The following ADAM28 variants were observed in gnomAD, a reference collection of about 807,000 sequenced individuals.
The protein encoded by ADAM28 is ADAM metallopeptidase domain 28, also known as disintegrin and metalloproteinase domain-containing protein 28.
Under a neutral mutation model 101.2 loss-of-function variants are expected in ADAM28, and 105 were observed. That is an observed-to-expected ratio of 1.04 (90% confidence interval 0.89 to 1.22). The LOEUF (loss-of-function observed/expected upper bound fraction) is 1.22. Ranked by LOEUF, ADAM28 falls within the 50% of genes most tolerant of loss-of-function variation. The probability of loss-of-function intolerance (pLI) is 0.00; values close to 1 mark genes in which losing one functional copy is unlikely to be tolerated. For missense variants in ADAM28, 1,028 were observed against 945.4 expected (o/e 1.09, Z -1.15); for synonymous variants, 322 against 310.6 (o/e 1.04, Z -0.39).
intron 10 of ADAM28, among the ~76,000 whole-genome samples, chr8:24,327,434 G>A: frequency 6.6e-6 from 1 of 152,094 alleles, no homozygotes; most frequent in Non-Finnish European, 1.5e-5. Context: ...TGGATAGGAA[G>A]AATCAATATC....
rs112787537 is a variant in ADAM28, at chr8:24,326,893, A to G, written c.972+258A>G. ...TCAATAAACTAGGTATTGAAGGAACATATCTCAAAATAATAGCTATTTATG... is the reference window on the plus strand; with the variant it reads ...TCAATAAACTAGGTATTGAAGGAACGTATCTCAAAATAATAGCTATTTATG... On this transcript the variant is annotated intron_variant, in intron 10 of 22. Transcript: ENST00000265769. 1.3e-3 allele frequency among the ~76,000 whole-genome samples: 205 copies of G among 152,148 alleles called. 3 individuals are homozygous for G. The highest frequency in any genetic ancestry group is 4.7e-3 in the African/African-American group (196 of 41,548).
rs866968702 is a variant in ADAM28, at chr8:24,306,365, T to A, written c.151-3529T>A. 3.4e-3 allele frequency among the ~76,000 whole-genome samples: 421 copies of A among 122,984 alleles called. 11 individuals are homozygous for A. The highest frequency in any genetic ancestry group is 0.011 in the African/African-American group (383 of 33,410). The allele number at this position is 122,984 out of a possible 152,430, so 80.7% of individuals were successfully genotyped here. A position where few individuals can be genotyped will look rare whatever the true frequency, so the allele number is the denominator to read the frequency against. ...TCTCAAATACAAATAAATAAATAAA[T>A]ATATATATATATATATATATTTAAA... On this transcript the variant is annotated intron_variant, in intron 2 of 22. Coordinates refer to ENST00000265769, the MANE Select transcript of ADAM28 (RefSeq NM_014265.6).
intron 21 of ADAM28, among the ~76,000 whole-genome samples, chr8:24,352,425 G>GCGGC (rs769973902): frequency 4.6e-5 from 7 of 152,178 alleles, no homozygotes; most frequent in Non-Finnish European, 4.4e-5. Flanking sequence ...GTCTGGTGAA[G>GCGGC]CGGCCTTCTG....
intron 20 of ADAM28, among the ~76,000 whole-genome samples, chr8:24,351,691 A>G (rs1816164133): frequency 1.3e-5 from 2 of 152,064 alleles, no homozygotes; most frequent in Non-Finnish European, 2.9e-5. Flanking sequence ...AATATTTATA[A>G]CCCAAATGTC....
rs1816747022 is a variant in ADAM28, at chr8:24,357,301, C to CTGAT, written c.*2898_*2901dup. 2 of 152,146 alleles carry CTGAT rather than the reference C, an allele frequency of 1.3e-5. No individual in the cohort carries two copies. The highest frequency in any genetic ancestry group is 4.8e-5 in the African/African-American group (2 of 41,440). 9.4% of individuals were successfully genotyped at this position (152,146 alleles called of 1,614,324 possible). ...ATATTTGTTATGCAGCAATAGATAG[C>CTGAT]TGATACAAGGAAGTAGAGAACAAAC... On this transcript the variant is annotated 3_prime_UTR_variant, in exon 23 of 23. Coordinates refer to ENST00000265769, the MANE Select transcript of ADAM28 (RefSeq NM_014265.6).
At chr8:24,350,919 CATG>C (rs1377648853) in intron 19 of ADAM28, among the ~76,000 whole-genome samples, 6 of 149,428 alleles carry the variant, frequency 4.0e-5, no homozygotes, top group Non-Finnish European at 7.4e-5. Context: ...CTTATTTACT[CATG>C]ATGAGTTTTT....
At chr8:24,306,355 A>ATATATATTTATATATATATAT in intron 2 of ADAM28, among the ~76,000 whole-genome samples, 1 of 107,784 alleles carries the variant, frequency 9.3e-6, no homozygotes, top group East Asian at 3.8e-4. Context: ...AATACAAATA[A>ATATATATTTATATATATATAT]ATAAATAAAT....
intron 8 of ADAM28, among the ~76,000 whole-genome samples, chr8:24,323,248 G>C (rs543213224): frequency 4.6e-5 from 7 of 151,792 alleles, no homozygotes; most frequent in African/African-American, 1.7e-4. Flanking sequence ...CTCCACTCTC[G>C]TGACCTAATC....
chr8:24,345,455 G>T (rs530660674), intron 18 of ADAM28, among the ~76,000 whole-genome samples: 1 of 152,044 alleles, frequency 6.6e-6, no homozygotes, highest in East Asian at 1.9e-4. Context: ...TTTTAGCAAT[G>T]TTAATTCTCT....
intron 2 of ADAM28, among the ~76,000 whole-genome samples, chr8:24,305,547 A>T (rs987032439): frequency 6.7e-6 from 1 of 149,166 alleles, no homozygotes; most frequent in African/African-American, 2.5e-5. Context: ...TGGAACATAA[A>T]TACTTGTTTC....
At position 24,325,876 on chromosome 8, in the gene ADAM28, A is replaced by AC. The variant is rs1410180568; in HGVS notation, c.891-678_891-677insC. On this transcript the variant is annotated intron_variant, in intron 9 of 22. Coordinates refer to ENST00000265769, the MANE Select transcript of ADAM28 (RefSeq NM_014265.6). ...CCAGGATCTTGTACAGATAGCAAAAAAAAAAAAAAAAAAAAAAAAAAAAAC... is the reference window on the plus strand; with the variant it reads ...CCAGGATCTTGTACAGATAGCAAAAACAAAAAAAAAAAAAAAAAAAAAAAAC... Among the ~76,000 whole-genome samples, 19 of 140,310 alleles carry AC rather than the reference A, an allele frequency of 1.4e-4. 1 individual carries two copies. The highest frequency in any genetic ancestry group is 4.5e-4 in the African/African-American group (17 of 37,596). 92.0% of individuals were successfully genotyped at this position (140,310 alleles called of 152,430 possible). A position where few individuals can be genotyped will look rare whatever the true frequency, so the allele number is the denominator to read the frequency against.
At chr8:24,327,145 C>G (rs574930373) in intron 10 of ADAM28, among the ~76,000 whole-genome samples, 1 of 152,194 alleles carries the variant, frequency 6.6e-6, no homozygotes, top group African/African-American at 2.4e-5. Context: ...AATTAGAAAA[C>G]CCCATCGTAT....
intron 5 of ADAM28, among the ~76,000 whole-genome samples, chr8:24,312,474 C>G (rs1810600336): frequency 6.6e-6 from 1 of 152,026 alleles, no homozygotes; most frequent in Non-Finnish European, 1.5e-5. Context: ...ACTACGATAT[C>G]CTAGTCCATC....
intron 8 of ADAM28, among the ~76,000 whole-genome samples, chr8:24,323,007 T>G (rs1175287380): frequency 6.6e-6 from 1 of 151,956 alleles, no homozygotes; most frequent in Non-Finnish European, 1.5e-5. Flanking sequence ...AGAGGACCAT[T>G]GTCTCATTCT....
rs1814389574 is a variant in ADAM28 at position 24,338,636 on chromosome 8, G to C, written c.1568-830G>C. On this transcript the variant is annotated intron_variant, in intron 14 of 22. Coordinates refer to ENST00000265769, the MANE Select transcript of ADAM28 (RefSeq NM_014265.6). Reference sequence around the variant, plus strand: ...ATTGAAACATGAAATTCGTTTAAAAGTATTTCTTAAAAACAATGCCGTATC... The same window carrying C: ...ATTGAAACATGAAATTCGTTTAAAACTATTTCTTAAAAACAATGCCGTATC... Among the ~76,000 whole-genome samples, 3 of 152,070 alleles carry C rather than the reference G, an allele frequency of 2.0e-5. No homozygotes were observed. In the South Asian group the frequency reaches 6.2e-4, roughly 32 times the overall value.
chr8:24,343,913 C>CT (rs1585719860), intron 18 of ADAM28, among the ~76,000 whole-genome samples: 2 of 149,694 alleles, frequency 1.3e-5, no homozygotes, highest in East Asian at 4.1e-4. Context: ...TCAAAACTCT[C>CT]TAAGAATATG....
Position 24,358,170 on chromosome 8 carries a change from A to G in ADAM28, c.*3766A>G, listed in dbSNP as rs899755968. 10 of 152,202 alleles carry G rather than the reference A, an allele frequency of 6.6e-5. No homozygotes were observed. Among genetic ancestry groups the G allele is most frequent in the Non-Finnish European group, 1.5e-4 (10 of 68,032 alleles). The allele number at this position is 152,202 out of a possible 1,614,324, so 9.4% of individuals were successfully genotyped here. On this transcript the variant is annotated 3_prime_UTR_variant, in exon 23 of 23. Transcript: ENST00000265769. ...TTTATTACTGCTTCCCACAGTAAAT[A>G]TTTTTCAGAAGTACATGCTTTCTCA...
At chr8:24,322,175 T>C (rs1016345376) in intron 8 of ADAM28, among the ~76,000 whole-genome samples, 1 of 151,992 alleles carries the variant, frequency 6.6e-6, no homozygotes, top group African/African-American at 2.4e-5. Context: ...ACATTGATAA[T>C]GCAGGAAAGA....
rs553722290 is a variant in ADAM28 at position 24,347,528 on chromosome 8, TTTTG to T, written c.1991-2332_1991-2329del. On this transcript the variant is annotated intron_variant, in intron 18 of 22. Coordinates refer to ENST00000265769, the MANE Select transcript of ADAM28 (RefSeq NM_014265.6). The stretch of plus-strand genomic sequence containing the variant: ...CGTGTTCTGTAGTATTCTCCAGATA[TTTTG>T]TTTATCAAGTTTATTAATTGTCTGA... Among the ~76,000 whole-genome samples, 68 of 152,284 alleles carry T rather than the reference TTTTG, an allele frequency of 4.5e-4. No individual in the cohort carries two copies. The South Asian group carries it at 8.1e-3, about 18-fold the overall frequency.
Sources: allele counts gnomAD v4.1 joint callset (sites outside exome capture counted in the v4.1 genomes callset), GRCh38; gene constraint gnomAD v4.1.1; transcripts MANE v1.5; gene names NCBI Gene and HGNC (gene_info 2026-07-23, HGNC 2026-07-21).